PRRT1B: variants seen among roughly 807,000 people sequenced by gnomAD.
PRRT1B encodes dispanin subfamily D member 2.
At chr9:131,559,155 T>C (rs767507542), downstream of PRRT1B, among the ~76,000 whole-genome samples, 16 of 152,132 alleles carry the variant, frequency 1.1e-4, no homozygotes, top group Non-Finnish European at 2.1e-4. Context: ...TTCAAAACCA[T>C]TGCAGAGGCC....
exon 4 of PRRT1B, chr9:131,558,064 A>ACTGGGCAGGGGTGAC (rs1951062015): frequency 5.0e-6 from 2 of 399,764 alleles, no homozygotes. Context: ...CCCGTGCAGC[A>ACTGGGCAGGGGTGAC]CTGGGCAGGG....
intron 1 of PRRT1B, among the ~76,000 whole-genome samples, chr9:131,546,474 G>C (rs985184165): frequency 6.6e-6 from 1 of 152,120 alleles, no homozygotes; most frequent in Admixed American, 6.5e-5. Context: ...TGGAAGCAGT[G>C]GGGCGGTGGC....
chr9:131,552,538 C>T (rs775604032), intron 1 of PRRT1B, among the ~76,000 whole-genome samples: 58 of 152,138 alleles, frequency 3.8e-4, no homozygotes, highest in African/African-American at 1.2e-3. Context: ...AGTCAGCCTG[C>T]GTAGTTTCAG....
chr9:131,550,906 C>T (rs1231957964), intron 1 of PRRT1B, among the ~76,000 whole-genome samples: 1 of 142,844 alleles, frequency 7.0e-6, no homozygotes, highest in Admixed American at 7.0e-5. Flanking sequence ...GACCTTGTGT[C>T]TTCCGTTTAG....
At chr9:131,552,844 T>TC (rs1288561767) in intron 1 of PRRT1B, among the ~76,000 whole-genome samples, 1 of 123,696 alleles carries the variant, frequency 8.1e-6, no homozygotes, top group South Asian at 2.4e-4. Flanking sequence ...GGTTAATTTT[T>TC]TTTTTTTTTT....
At chr9:131,550,850 C>T (rs1441977164) in intron 1 of PRRT1B, among the ~76,000 whole-genome samples, 1 of 152,076 alleles carries the variant, frequency 6.6e-6, no homozygotes, top group Non-Finnish European at 1.5e-5. Flanking sequence ...CTGGGTCCTC[C>T]CAATTCTTAG....
intron 1 of PRRT1B, among the ~76,000 whole-genome samples, chr9:131,553,912 G>C (rs528429034): frequency 2.0e-5 from 3 of 152,342 alleles, no homozygotes; most frequent in African/African-American, 7.2e-5. Flanking sequence ...AGGACCTATC[G>C]TTGGGTGCTG....
At chr9:131,550,365 T>C (rs1951002572) in intron 1 of PRRT1B, among the ~76,000 whole-genome samples, 1 of 152,184 alleles carries the variant, frequency 6.6e-6, no homozygotes. Flanking sequence ...TCCCAGCCTC[T>C]CTTTGCTTTC....
chr9:131,548,636 G>A (rs566588840), intron 1 of PRRT1B, among the ~76,000 whole-genome samples: 3 of 151,710 alleles, frequency 2.0e-5, no homozygotes, highest in African/African-American at 4.8e-5. Flanking sequence ...TTTCCTTCCC[G>A]CCTGTCCCCT....
At chr9:131,552,698 A>C (rs185982353) in intron 1 of PRRT1B, among the ~76,000 whole-genome samples, 129 of 144,588 alleles carry the variant, frequency 8.9e-4, no homozygotes, top group Middle Eastern at 3.6e-3. Flanking sequence ...TTTGAGACGG[A>C]GTCTCACTCT....
At chr9:131,546,183 G>T (rs1421476959) in intron 1 of PRRT1B, among the ~76,000 whole-genome samples, 1 of 152,080 alleles carries the variant, frequency 6.6e-6, no homozygotes, top group Non-Finnish European at 1.5e-5. Flanking sequence ...CTTGCAGCAG[G>T]GGAGTGGGCG....
intron 1 of PRRT1B, among the ~76,000 whole-genome samples, chr9:131,553,011 G>A (rs779457296): frequency 2.8e-4 from 42 of 151,914 alleles, no homozygotes; most frequent in Non-Finnish European, 4.6e-4. Context: ...ACTCCACTCC[G>A]CAACCTCCCT....
At chr9:131,554,400 T>C (rs984993984) in intron 1 of PRRT1B, among the ~76,000 whole-genome samples, 157 bp from the exon 2 acceptor site, 1 of 152,146 alleles carries the variant, frequency 6.6e-6, no homozygotes, top group African/African-American at 2.4e-5. Flanking sequence ...GCAAGGCAGG[T>C]GGCCCCTCTG....
intron 1 of PRRT1B, among the ~76,000 whole-genome samples, chr9:131,546,473 T>TG (rs1950975604): frequency 6.6e-6 from 1 of 151,906 alleles, no homozygotes; most frequent in African/African-American, 2.4e-5. Flanking sequence ...CTGGAAGCAG[T>TG]GGGGCGGTGG....
intron 2 of PRRT1B, among the ~76,000 whole-genome samples, chr9:131,555,796 A>G (rs1588551817): frequency 1.3e-5 from 2 of 152,298 alleles, no homozygotes; most frequent in South Asian, 4.1e-4. Flanking sequence ...CGATAGAGAT[A>G]TCACAGAGGC....
chr9:131,556,352 A>C (rs1023565287), intron 3 of PRRT1B, 139 bp downstream of exon 3: 2 of 396,752 alleles, frequency 5.0e-6, no homozygotes, highest in Non-Finnish European at 8.9e-6. Flanking sequence ...TTGGGAAGTC[A>C]GAGCCCAGTT....
intron 1 of PRRT1B, among the ~76,000 whole-genome samples, chr9:131,547,065 CTTTTTT>C (rs549825970): frequency 2.1e-3 from 214 of 100,684 alleles, no homozygotes; most frequent in Admixed American, 4.6e-3. Context: ...CTCCTGTTCG[CTTTTTT>C]TTTTTTTTTT....
chr9:131,553,399 C>T (rs1017758326), intron 1 of PRRT1B, among the ~76,000 whole-genome samples: 1 of 152,202 alleles, frequency 6.6e-6, no homozygotes, highest in Non-Finnish European at 1.5e-5. Flanking sequence ...AGCCCAGATC[C>T]AAGGGGTGGA....
chr9:131,552,637 C>T (rs1299031504), intron 1 of PRRT1B, among the ~76,000 whole-genome samples: 3 of 150,592 alleles, frequency 2.0e-5, no homozygotes, highest in Non-Finnish European at 2.9e-5. Context: ...CTGGGTTTGT[C>T]TCCTGCACAT....
Sources: gnomAD v4.1 joint callset for allele counts (sites outside exome capture counted in the v4.1 genomes callset) on GRCh38, gnomAD v4.1.1 for gene constraint, MANE v1.5 for transcripts, NCBI Gene and HGNC (gene_info 2026-07-23, HGNC 2026-07-21) for gene names.